Variants in LCA5L observed in about 807,000 individuals in gnomAD.
LCA5L encodes lebercilin LCA5 like, also known as lebercilin-like protein.
Under a neutral mutation model 45.4 loss-of-function variants are expected in LCA5L, and 35 were observed. That is an observed-to-expected ratio of 0.77 (90% CI 0.59 to 1.02). LCA5L has a LOEUF of 1.02. LCA5L is among the 50% of genes least tolerant of loss of function. The pLI, the probability that LCA5L is intolerant of heterozygous loss-of-function variation, is 0.00. For missense variants in LCA5L, 668 were observed against 761.6 expected (o/e 0.88, Z 1.45); for synonymous variants, 233 against 264.7 (o/e 0.88, Z 1.16).
chr21:39,410,132 G>A (rs187520894), intron 9 of LCA5L, 36 bp from the exon 10 acceptor site: 27 of 1,437,298 alleles, frequency 1.9e-5, no homozygotes, highest in Non-Finnish European at 2.4e-5. Context: ...CACATTTTGG[G>A]GGGTCTAGAT....
At position 39,410,115 on chromosome 21, in the gene LCA5L, G is replaced by A. The variant is rs778216804; in HGVS notation, c.1165-19C>T. The A allele has an allele frequency of 1.3e-5, 20 of 1,528,678 alleles. No homozygotes were observed. In the Admixed American group the frequency reaches 2.7e-4, roughly 21 times the overall value. The allele number at this position is 1,528,678 out of a possible 1,614,324, so 94.7% of individuals were successfully genotyped here. A position where few individuals can be genotyped will look rare whatever the true frequency, so the allele number is the denominator to read the frequency against. On this transcript the variant is annotated intron_variant, in intron 9 of 10. Transcript: ENST00000288350. ...TTTTACCCTGTAATTTAGAAAAGCA[G>A]CAAAAACACATTTTGGGGGGTCTAG...
rs1411928078 is a variant in LCA5L, at chr21:39,423,252, T to A, written c.561A>T (p.Gly187=). 6.2e-7 allele frequency: 1 copy of A among 1,609,944 alleles called. No individual in the cohort carries two copies. The highest frequency in any genetic ancestry group is 2.2e-5 in the East Asian group (1 of 44,856). ...QLQLRHLKAI[G]KYENSQNNLP... ...GATTATTTTGTGAATTCTCATATTTTCCTATAGCTTTCAAATGCCTAAGCT... is the reference window on the plus strand; with the variant it reads ...GATTATTTTGTGAATTCTCATATTTACCTATAGCTTTCAAATGCCTAAGCT... The change falls in exon 6 of 11, where the codon GGA becomes GGT. Residue 187 remains glycine (G), a synonymous_variant. Transcript: ENST00000288350.
chr21:39,420,339 C>T (rs187338926), intron 7 of LCA5L, among the ~76,000 whole-genome samples: 91 of 151,954 alleles, frequency 6.0e-4, no homozygotes, highest in Non-Finnish European at 7.2e-4. Flanking sequence ...CTGGCCAACA[C>T]GGCAAAAGCC....
At position 39,405,845 on chromosome 21, in the gene LCA5L, T is replaced by TTTG; in HGVS notation, c.*36_*37insCAA. ...AAGATGCAAGGCACATAAGCAGCAT[T>TTTG]ATATCAAACCAGAATGCATTAGGAT... On this transcript the variant is annotated 3_prime_UTR_variant, in exon 11 of 11. Coordinates refer to ENST00000288350, the MANE Select transcript of LCA5L (RefSeq NM_152505.4). The TTTG allele has an allele frequency of 7.0e-7, 1 of 1,431,726 alleles. No homozygotes were observed. Among genetic ancestry groups the TTTG allele is most frequent in the African/African-American group, 1.4e-5 (1 of 69,508 alleles). The allele number at this position is 1,431,726 out of a possible 1,614,324, so 88.7% of individuals were successfully genotyped here.
At chr21:39,435,139 A>C (rs1035715606) in intron 3 of LCA5L, among the ~76,000 whole-genome samples, 1 of 152,208 alleles carries the variant, frequency 6.6e-6, no homozygotes, top group Non-Finnish European at 1.5e-5. Flanking sequence ...TCGGGAACAC[A>C]ATGAGTAATT....
intron 9 of LCA5L, 58 bp downstream of exon 9, chr21:39,410,206 G>T: frequency 1.6e-6 from 2 of 1,258,108 alleles, no homozygotes; most frequent in Non-Finnish European, 2.3e-6. Flanking sequence ...AGTGACTGTA[G>T]CCTATTTTTG....
In LCA5L at chr21:39,406,516, A is replaced by G; in HGVS notation, c.1379T>C (p.Ile460Thr). 6.2e-7 allele frequency: 1 copy of G among 1,613,348 alleles called. No individual in the cohort carries two copies. The highest frequency in any genetic ancestry group is 8.5e-7 in the Non-Finnish European group (1 of 1,179,820). The change falls in exon 11 of 11, where the codon ATT becomes ACT. Residue 460 changes from isoleucine (I) to threonine (T), a missense_variant. Ile to Thr is a moderately conservative substitution (Grantham distance 89). Transcript: ENST00000288350. Reference sequence around the variant, plus strand: ...TAGTTCTTGCTCTTCTTTCACAAAAATGTTTTTCTTTTCTTGGTCTTCTTT... The same window carrying G: ...TAGTTCTTGCTCTTCTTTCACAAAAGTGTTTTTCTTTTCTTGGTCTTCTTT... ...DKKEDQEKKN[I>T]FVKEEQELPP...
At chr21:39,427,388 C>T (rs745403691) in intron 5 of LCA5L, among the ~76,000 whole-genome samples, 22 of 152,240 alleles carry the variant, frequency 1.4e-4, no homozygotes, top group South Asian at 2.1e-4. Flanking sequence ...AAGAGCCGGG[C>T]GCGGTGGCTC....
At chr21:39,430,013 CAAAA>C (rs2075504026) in intron 3 of LCA5L, among the ~76,000 whole-genome samples, 1 of 150,462 alleles carries the variant, frequency 6.6e-6, no homozygotes, top group African/African-American at 2.5e-5. Flanking sequence ...AACTCTGTCT[CAAAA>C]ACAAACAAAC....
intron 7 of LCA5L, among the ~76,000 whole-genome samples, chr21:39,416,661 A>G (rs932822065): frequency 6.7e-6 from 1 of 149,570 alleles, no homozygotes; most frequent in East Asian, 2.0e-4. Flanking sequence ...TTACTTCTGT[A>G]TTTTTTTTTT....
chr21:39,417,825 G>T (rs1486435816), intron 7 of LCA5L, among the ~76,000 whole-genome samples: 1 of 151,978 alleles, frequency 6.6e-6, no homozygotes, highest in African/African-American at 2.4e-5. Context: ...GAGTGCGGTG[G>T]CGTGATCTCC....
At chr21:39,430,489 G>A (rs2075588609) in intron 3 of LCA5L, among the ~76,000 whole-genome samples, 1 of 152,164 alleles carries the variant, frequency 6.6e-6, no homozygotes, top group South Asian at 2.1e-4. Context: ...AAGGCAGACC[G>A]GCTTGGGTTT....
At position 39,428,296 on chromosome 21, in the gene LCA5L, A is replaced by C. The variant is rs1421672041; in HGVS notation, c.198T>G (p.Asp66Glu). The change falls in exon 5 of 11, where the codon GAT becomes GAG. Residue 66 changes from aspartate to glutamate, a missense_variant. Asp to Glu is a conservative substitution (Grantham distance 45). Transcript: ENST00000288350. ...AATCACAGAGAAAGTCTTCTGAATA[A>C]TCATACTGAGAACTTAAACTTCCAC... Reference protein sequence around the residue: ...CSCGSLSSQYDYSEDFLCDCS... With the variant: ...CSCGSLSSQYEYSEDFLCDCS... The C allele has an allele frequency of 3.1e-6, 5 of 1,612,236 alleles. No homozygotes were observed. In the African/African-American group the frequency reaches 6.7e-5, roughly 22 times the overall value.
At chr21:39,444,041 AAAC>A (rs2077153352) in intron 2 of LCA5L, 91 bp downstream of exon 2, 1 of 151,870 alleles carries the variant, frequency 6.6e-6, no homozygotes, top group East Asian at 1.9e-4. Flanking sequence ...AAAAAAAAAA[AAAC>A]AACAAAAAAA....
chr21:39,438,873 T>C (rs1161460427), intron 2 of LCA5L: 2 of 152,232 alleles, frequency 1.3e-5, no homozygotes, highest in Non-Finnish European at 2.9e-5. Context: ...TTCCAATCAA[T>C]GTCTACATGT....
intron 1 of LCA5L, among the ~76,000 whole-genome samples, chr21:39,445,012 G>C (rs929219371): frequency 3.9e-5 from 6 of 152,122 alleles, no homozygotes; most frequent in African/African-American, 4.8e-5. Context: ...CTGGAATTCA[G>C]ATAGGCTCTG....
intron 2 of LCA5L, among the ~76,000 whole-genome samples, chr21:39,440,825 A>G (rs2076763423): frequency 6.6e-6 from 1 of 152,116 alleles, no homozygotes; most frequent in South Asian, 2.1e-4. Flanking sequence ...TATTGAATGA[A>G]AGGCTTAAAC....
chr21:39,414,864 T>C (rs550479942), intron 7 of LCA5L, among the ~76,000 whole-genome samples: 1 of 152,146 alleles, frequency 6.6e-6, no homozygotes, highest in African/African-American at 2.4e-5. Flanking sequence ...TTCCAGAAAT[T>C]CTTTGTTAGA....
chr21:39,435,874 G>C (rs1007291204), intron 2 of LCA5L, among the ~76,000 whole-genome samples: 10 of 152,160 alleles, frequency 6.6e-5, no homozygotes, highest in Non-Finnish European at 1.0e-4. Context: ...CTGACCTCAA[G>C]TGATCTACTC....
Sources: allele counts gnomAD v4.1 joint callset (sites outside exome capture counted in the v4.1 genomes callset), GRCh38; gene constraint gnomAD v4.1.1; transcripts MANE v1.5; gene names NCBI Gene and HGNC (gene_info 2026-07-23, HGNC 2026-07-21).